Variants in GRIN2A observed in about 807,000 individuals in gnomAD.
GRIN2A encodes glutamate receptor ionotropic, NMDA 2A.
GRIN2A carries 22 observed loss-of-function variants against 113.4 expected under a neutral mutation model. The observed-to-expected ratio is 0.19, with a 90% CI of 0.14 to 0.28. The LOEUF (loss-of-function observed/expected upper bound fraction) is 0.28. GRIN2A is among the 10% of genes least tolerant of loss of function. The probability of loss-of-function intolerance (pLI) is 1.00; values close to 1 mark genes in which losing one functional copy is unlikely to be tolerated. For synonymous variants in GRIN2A, 827 were observed against 738.4 expected (o/e 1.12, Z -1.94); for missense variants, 1,502 against 1,887.0 (o/e 0.80, Z 3.78).
chr16:9,756,227 A>G lies in GRIN2A; in HGVS notation c.*6922T>C, dbSNP rs1027513110. ...TTGACTGATAAAAAGATGAGACATT[A>G]GGAAAGAGATATTTAAGATTAGGCA... is the stretch of plus-strand genomic sequence containing the variant. On this transcript the variant is annotated 3_prime_UTR_variant, in exon 13 of 13. Transcript: ENST00000330684. 4.4e-6 allele frequency: 1 copy of G among 227,530 alleles called. No homozygotes were observed. The highest frequency in any genetic ancestry group is 8.7e-6 in the Non-Finnish European group (1 of 114,342). The allele number at this position is 227,530 out of a possible 1,614,324, so 14.1% of individuals were successfully genotyped here.
chr16:9,934,134 G>A (rs1028251256), intron 3 of GRIN2A, among the ~76,000 whole-genome samples: 1 of 152,052 alleles, frequency 6.6e-6, no homozygotes, highest in Non-Finnish European at 1.5e-5. Flanking sequence ...ATTAACCTTT[G>A]GCAGGTTTAG....
chr16:9,952,972 C>T (rs2045218224), intron 2 of GRIN2A, among the ~76,000 whole-genome samples: 1 of 152,040 alleles, frequency 6.6e-6, no homozygotes, highest in Admixed American at 6.6e-5. Context: ...CGAGAAGAAT[C>T]CATGAAAGAA....
chr16:10,068,070 A>G (rs1230196883), intron 2 of GRIN2A, among the ~76,000 whole-genome samples: 1 of 152,244 alleles, frequency 6.6e-6, no homozygotes, highest in Admixed American at 6.5e-5. Flanking sequence ...TGTGCAATGC[A>G]CATAGCAGCT....
chr16:9,935,871 T>C (rs942033023), intron 3 of GRIN2A, among the ~76,000 whole-genome samples: 1 of 151,914 alleles, frequency 6.6e-6, no homozygotes, highest in East Asian at 1.9e-4. Flanking sequence ...CTGGCTAACA[T>C]TTGTATTTTT....
rs139357398 is a variant in GRIN2A at position 9,943,933 on chromosome 16, T to C, written c.415-5382A>G. Among the ~76,000 whole-genome samples the C allele has an allele frequency of 1.4e-4, 21 of 152,300 alleles. 1 individual carries two copies. In the East Asian group the frequency reaches 3.9e-3, roughly 28 times the overall value. Reference sequence around the variant, plus strand: ...CTGTCTCTTCTCAACAGCAGTATGGTTGAGAAGTAGGTATTCAAGTTAGTA... The same window carrying C: ...CTGTCTCTTCTCAACAGCAGTATGGCTGAGAAGTAGGTATTCAAGTTAGTA... On this transcript the variant is annotated intron_variant, in intron 2 of 12. Transcript: ENST00000330684.
At chr16:9,830,160 A>G (rs2042463904) in intron 8 of GRIN2A, among the ~76,000 whole-genome samples, 1 of 152,224 alleles carries the variant, frequency 6.6e-6, no homozygotes, top group Non-Finnish European at 1.5e-5. Context: ...AGTGTGTACA[A>G]CATAAGAATT....
chr16:9,889,062 T>C (rs1416808981), intron 4 of GRIN2A, among the ~76,000 whole-genome samples: 1 of 152,164 alleles, frequency 6.6e-6, no homozygotes, highest in Non-Finnish European at 1.5e-5. Context: ...TTGTTATAGA[T>C]AGACGAAGCC....
intron 2 of GRIN2A, among the ~76,000 whole-genome samples, chr16:9,958,279 C>T (rs2045351244): frequency 6.6e-6 from 1 of 152,182 alleles, no homozygotes; most frequent in Non-Finnish European, 1.5e-5. Flanking sequence ...CTAAATCCAT[C>T]CTCCTTGAAT....
chr16:10,135,335 T>C (rs2049169543), intron 2 of GRIN2A, among the ~76,000 whole-genome samples: 1 of 152,242 alleles, frequency 6.6e-6, no homozygotes, highest in Non-Finnish European at 1.5e-5. Context: ...CTGTTCATGA[T>C]GATTTAGGTA....
chr16:9,980,826 C>T (rs1276547789), intron 2 of GRIN2A, among the ~76,000 whole-genome samples: 3 of 103,304 alleles, frequency 2.9e-5, no homozygotes, highest in South Asian at 3.0e-4. Flanking sequence ...CATCACACAC[C>T]AGGGACTGTT....
At chr16:9,860,240 G>GAGATCAGGAGTTCC (rs2043042084) in intron 4 of GRIN2A, among the ~76,000 whole-genome samples, 1 of 151,872 alleles carries the variant, frequency 6.6e-6, no homozygotes, top group Non-Finnish European at 1.5e-5. Flanking sequence ...CAGATCCCTC[G>GAGATCAGGAGTTCC]AGATCAGGAG....
intron 2 of GRIN2A, among the ~76,000 whole-genome samples, chr16:10,029,723 C>A (rs973183697): frequency 4.6e-5 from 7 of 152,080 alleles, no homozygotes; most frequent in African/African-American, 1.4e-4. Context: ...AGACCTGGCA[C>A]AATGCTCACG....
In GRIN2A at chr16:10,091,544, T is replaced by C. The variant is rs550606215; in HGVS notation, c.414+88454A>G. Reference sequence around the variant, plus strand: ...AGTGTATACCTGTAGTCCCAGCTACTCGTGAGGCTGAGGTGGGAGGATTGC... The same window carrying C: ...AGTGTATACCTGTAGTCCCAGCTACCCGTGAGGCTGAGGTGGGAGGATTGC... On this transcript the variant is annotated intron_variant, in intron 2 of 12. Coordinates refer to ENST00000330684, the MANE Select transcript of GRIN2A (RefSeq NM_001134407.3). Among the ~76,000 whole-genome samples the C allele has an allele frequency of 3.3e-5, 5 of 151,990 alleles. No individual in the cohort carries two copies. In the East Asian group the frequency reaches 9.7e-4, roughly 30 times the overall value.
intron 4 of GRIN2A, among the ~76,000 whole-genome samples, chr16:9,888,475 G>GTT (rs61341840): frequency 9.4e-5 from 14 of 148,960 alleles, no homozygotes; most frequent in African/African-American, 2.0e-4. Flanking sequence ...ATGGGTCAAG[G>GTT]TTTTTTTTTT....
chr16:9,781,643 G>A (rs1415368687), intron 11 of GRIN2A, among the ~76,000 whole-genome samples: 2 of 152,164 alleles, frequency 1.3e-5, no homozygotes, highest in African/African-American at 4.8e-5. Context: ...TTACAGGTAT[G>A]AGTCACTGCA....
At chr16:9,932,786 C>A (rs548389749) in intron 3 of GRIN2A, among the ~76,000 whole-genome samples, 2 of 152,130 alleles carry the variant, frequency 1.3e-5, no homozygotes, top group East Asian at 3.9e-4. Context: ...TTTCTTGTCC[C>A]CATATTACAC....
chr16:10,007,553 T>C (rs553179215), intron 2 of GRIN2A, among the ~76,000 whole-genome samples: 13 of 152,206 alleles, frequency 8.5e-5, no homozygotes, highest in Non-Finnish European at 1.5e-4. Context: ...ATGGATAGTT[T>C]TTAAATATTT....
In GRIN2A at chr16:10,067,497, G is replaced by A. The variant is rs147282086; in HGVS notation, c.414+112501C>T. 1.5e-3 allele frequency among the ~76,000 whole-genome samples: 228 copies of A among 152,338 alleles called. 3 individuals carry two copies. The highest frequency in any genetic ancestry group is 5.4e-3 in the African/African-American group (223 of 41,568). On this transcript the variant is annotated intron_variant, in intron 2 of 12. Coordinates refer to ENST00000330684, the MANE Select transcript of GRIN2A (RefSeq NM_001134407.3). Reference sequence around the variant, plus strand: ...AATGACACGAACATCAGGACATGGGGCTGATATTAAAGTAACCAGAAACAC... The same window carrying A: ...AATGACACGAACATCAGGACATGGGACTGATATTAAAGTAACCAGAAACAC...
chr16:9,982,901 G>A (rs1438965662), intron 2 of GRIN2A, among the ~76,000 whole-genome samples: 1 of 152,142 alleles, frequency 6.6e-6, no homozygotes, highest in Non-Finnish European at 1.5e-5. Context: ...CTAAGTGGAG[G>A]AGTACTTAGT....
Sources: gnomAD v4.1 joint callset for allele counts (sites outside exome capture counted in the v4.1 genomes callset) on GRCh38, gnomAD v4.1.1 for gene constraint, MANE v1.5 for transcripts, NCBI Gene and HGNC (gene_info 2026-07-23, HGNC 2026-07-21) for gene names.